Variants in SMIM14 observed in about 807,000 individuals in gnomAD.
The protein encoded by SMIM14 is small integral membrane protein 14, also known as chromosome 4 open reading frame 34.
Under a neutral mutation model 12.6 loss-of-function variants are expected in SMIM14, and 5 were observed. The observed-to-expected ratio is 0.40, with a 90% confidence interval of 0.21 to 0.83. SMIM14 has a LOEUF of 0.83. Among genes scored for constraint, SMIM14 ranks in the 40% least tolerant of loss-of-function variants. The pLI is 0.37. For missense variants in SMIM14, 86 were observed against 119.1 expected (o/e 0.72, Z 1.29); for synonymous variants, 30 against 40.1 (o/e 0.75, Z 0.95).
chr4:39,627,799 T>G (rs1278769341), intron 1 of SMIM14, among the ~76,000 whole-genome samples: 1 of 152,228 alleles, frequency 6.6e-6, no homozygotes, highest in Non-Finnish European at 1.5e-5. Context: ...TTTACTCTTG[T>G]ACAATCCTAA....
intron 3 of SMIM14, among the ~76,000 whole-genome samples, chr4:39,561,048 T>A (rs1578312357): frequency 6.7e-6 from 1 of 149,584 alleles, no homozygotes; most frequent in South Asian, 2.1e-4. Flanking sequence ...TCTTTTTTTT[T>A]AAAAGCAAAT....
intron 1 of SMIM14, among the ~76,000 whole-genome samples, chr4:39,605,841 A>G (rs1331900111): frequency 6.6e-6 from 1 of 152,106 alleles, no homozygotes; most frequent in Non-Finnish European, 1.5e-5. Flanking sequence ...CCTGGGTTCA[A>G]GAGATTCTCC....
chr4:39,553,047 G>A (rs1311867258), intron 4 of SMIM14, among the ~76,000 whole-genome samples: 1 of 150,730 alleles, frequency 6.6e-6, no homozygotes, highest in Non-Finnish European at 1.5e-5. Flanking sequence ...TTGCATTTCT[G>A]TCATTTTAAT....
intron 3 of SMIM14, among the ~76,000 whole-genome samples, chr4:39,569,381 C>G (rs144429952): frequency 2.3e-3 from 347 of 152,294 alleles, no homozygotes; most frequent in Non-Finnish European, 4.4e-3. Flanking sequence ...TAATGTATAA[C>G]AAGTCTCTTT....
chr4:39,618,263 C>T (rs1165799638), intron 1 of SMIM14, among the ~76,000 whole-genome samples: 1 of 152,064 alleles, frequency 6.6e-6, no homozygotes, highest in Non-Finnish European at 1.5e-5. Flanking sequence ...TTCAATCGAG[C>T]CCAACTCATT....
intron 2 of SMIM14, among the ~76,000 whole-genome samples, chr4:39,582,843 G>A (rs1713583701): frequency 1.3e-5 from 2 of 151,536 alleles, no homozygotes; most frequent in Admixed American, 6.6e-5. Context: ...CACCCAGGCC[G>A]GATTGTGGTG....
intron 1 of SMIM14, among the ~76,000 whole-genome samples, chr4:39,633,473 T>C (rs186942643): frequency 6.6e-6 from 1 of 152,242 alleles, no homozygotes; most frequent in East Asian, 1.9e-4. Flanking sequence ...CAAATAAATC[T>C]GTTTATTTAA....
chr4:39,615,096 GT>G (rs80057241), intron 1 of SMIM14, among the ~76,000 whole-genome samples: 3,487 of 149,894 alleles, frequency 0.023, 152 homozygotes, highest in African/African-American at 0.078. Context: ...TCTCTAAAAT[GT>G]TTTTTTTTTA....
intron 1 of SMIM14, among the ~76,000 whole-genome samples, chr4:39,623,095 G>A (rs1715014082): frequency 2.0e-5 from 3 of 152,122 alleles, no homozygotes. Flanking sequence ...TACGTACAAT[G>A]TCAACGATCA....
intron 1 of SMIM14, among the ~76,000 whole-genome samples, chr4:39,629,069 T>A (rs1319530951): frequency 6.6e-6 from 1 of 151,248 alleles, no homozygotes; most frequent in Non-Finnish European, 1.5e-5. Context: ...ACAGAAAAAT[T>A]TAACAGAAAA....
chr4:39,563,004 C>A (rs1169903848), intron 3 of SMIM14, among the ~76,000 whole-genome samples: 1 of 151,998 alleles, frequency 6.6e-6, no homozygotes, highest in Non-Finnish European at 1.5e-5. Context: ...TCTAATCTTA[C>A]CTCTTACCAC....
At chr4:39,579,953 A>C (rs976890923) in intron 2 of SMIM14, among the ~76,000 whole-genome samples, 2 of 152,126 alleles carry the variant, frequency 1.3e-5, no homozygotes, top group African/African-American at 4.8e-5. Flanking sequence ...TCCATGAGGA[A>C]ACTTAGGCTG....
intron 1 of SMIM14, among the ~76,000 whole-genome samples, chr4:39,637,871 A>G (rs1163080930): frequency 6.6e-6 from 1 of 152,194 alleles, no homozygotes; most frequent in Admixed American, 6.5e-5. Context: ...TAACACACAC[A>G]AACTGGAAGG....
At position 39,638,573 on chromosome 4, in the gene SMIM14, C is replaced by T. The variant is rs909751983; in HGVS notation, c.-36+166G>A. ...CGGGCTCGGCAGCAGCGGAGCTTCT[C>T]CCGGTGCAGAATCGCCAGCCCGGCC... On this transcript the variant is annotated intron_variant, in intron 1 of 4. Transcript: ENST00000295958. 4.1e-6 allele frequency: 4 copies of T among 981,508 alleles called. No individual in the cohort carries two copies. In the Admixed American group the frequency reaches 1.8e-4, roughly 45 times the overall value. The allele number at this position is 981,508 out of a possible 1,614,324, so 60.8% of individuals were successfully genotyped here. A position where few individuals can be genotyped will look rare whatever the true frequency, so the allele number is the denominator to read the frequency against.
intron 2 of SMIM14, among the ~76,000 whole-genome samples, chr4:39,581,350 A>G (rs183749419): frequency 2.8e-4 from 43 of 152,192 alleles, no homozygotes; most frequent in African/African-American, 1.0e-3. Context: ...TTGTCTCTTC[A>G]CTTTAACCAG....
chr4:39,591,597 G>A (rs7673134), intron 2 of SMIM14, among the ~76,000 whole-genome samples: 1 of 151,666 alleles, frequency 6.6e-6, no homozygotes, highest in African/African-American at 2.4e-5. Flanking sequence ...CCTCTGTCAC[G>A]CAGGATGGAG....
At chr4:39,619,708 CT>C (rs1238585058) in intron 1 of SMIM14, among the ~76,000 whole-genome samples, 3 of 113,924 alleles carry the variant, frequency 2.6e-5, no homozygotes, top group African/African-American at 1.0e-4. Flanking sequence ...ATAATTTATT[CT>C]ATATATCAAT....
rs1712944681 is a variant in SMIM14, at chr4:39,572,455, C to A, written c.84G>T (p.Gln28His). Residue 28 changes from glutamine to histidine, a missense_variant, in exon 3 of 5, where the codon CAG (glutamine) becomes CAT (histidine). Physicochemically the swap from Gln to His is conservative, Grantham distance 24 (BLOSUM62 0). Transcript: ENST00000295958. ...CTGTGTCTGTGCAGTAGGACTGGGA[C>A]TGCCGTAACTACAATGAATAAGAAA... The part of the protein sequence containing the change: ...AMRRLINLLR[Q>H]SQSYCTDTEC... 6.2e-7 allele frequency: 1 copy of A among 1,609,408 alleles called. No individual in the cohort carries two copies. The highest frequency in any genetic ancestry group is 1.3e-5 in the African/African-American group (1 of 74,586).
chr4:39,565,737 T>G (rs911680282), intron 3 of SMIM14, among the ~76,000 whole-genome samples: 2 of 152,160 alleles, frequency 1.3e-5, no homozygotes, highest in African/African-American at 4.8e-5. Flanking sequence ...ATGGTTTGGC[T>G]GTGTCCCATC....
Sources: allele counts gnomAD v4.1 joint callset (sites outside exome capture counted in the v4.1 genomes callset), GRCh38; gene constraint gnomAD v4.1.1; transcripts MANE v1.5; gene names NCBI Gene and HGNC (gene_info 2026-07-23, HGNC 2026-07-21).